The following TMEM135 variants were observed in gnomAD, a reference collection of about 807,000 sequenced individuals.
The protein encoded by TMEM135 is transmembrane protein 135, also known as peroxisomal membrane protein 52.
TMEM135 carries 30 observed loss-of-function variants against 60.3 expected under a neutral mutation model. The ratio of observed to expected loss-of-function variants is 0.50; its 90% confidence interval spans 0.37 to 0.68. TMEM135 has a LOEUF of 0.68. TMEM135 is among the 30% of genes least tolerant of loss of function. The pLI, the probability that TMEM135 is intolerant of heterozygous loss-of-function variation, is 0.00. For missense variants in TMEM135, 468 were observed against 548.8 expected (o/e 0.85, Z 1.47); for synonymous variants, 190 against 186.7 (o/e 1.02, Z -0.14).
chr11:87,288,742 A>G (rs558703543), intron 6 of TMEM135, among the ~76,000 whole-genome samples: 2 of 152,194 alleles, frequency 1.3e-5, no homozygotes, highest in South Asian at 2.1e-4. Flanking sequence ...TATGAGTAGC[A>G]TCTGTATCCT....
intron 6 of TMEM135, among the ~76,000 whole-genome samples, chr11:87,246,088 T>C (rs1242321925): frequency 1.4e-5 from 2 of 139,390 alleles, no homozygotes; most frequent in African/African-American, 5.4e-5. Context: ...CTGTAAAGTA[T>C]TTTATTTCTC....
intron 5 of TMEM135, among the ~76,000 whole-genome samples, chr11:87,225,317 G>T (rs190269158): frequency 1.3e-5 from 2 of 151,944 alleles, no homozygotes; most frequent in Middle Eastern, 3.2e-3. Flanking sequence ...TCCCTACATC[G>T]CAGGGGTGTT....
intron 1 of TMEM135, among the ~76,000 whole-genome samples, chr11:87,060,867 C>G (rs955131729): frequency 1.3e-5 from 2 of 152,156 alleles, no homozygotes; most frequent in African/African-American, 2.4e-5. Context: ...TGGTCTCAAT[C>G]TCCTGACCTC....
intron 6 of TMEM135, among the ~76,000 whole-genome samples, chr11:87,258,266 AAC>A (rs1941571066): frequency 6.6e-6 from 1 of 151,930 alleles, no homozygotes; most frequent in African/African-American, 2.4e-5. Context: ...TCTTTTTTTA[AAC>A]ACACACACAA....
chr11:87,323,537 T>C lies in TMEM135; in HGVS notation c.*2204T>C. ...AGATCTCTGCATTCCAAAATATGTT[T>C]TTTAGTTTATTTATATCCTGAAGAA... is the stretch of plus-strand genomic sequence containing the variant. On this transcript the variant is annotated 3_prime_UTR_variant, in exon 15 of 15. Transcript: ENST00000305494. The C allele has an allele frequency of 2.2e-6, 1 of 453,134 alleles. No individual in the cohort carries two copies. The highest frequency in any genetic ancestry group is 4.4e-6 in the Non-Finnish European group (1 of 226,550). The allele number at this position is 453,134 out of a possible 1,614,324, so 28.1% of individuals were successfully genotyped here.
intron 6 of TMEM135, among the ~76,000 whole-genome samples, chr11:87,284,791 G>C (rs1942133168): frequency 2.0e-5 from 3 of 152,124 alleles, no homozygotes; most frequent in Admixed American, 2.0e-4. Flanking sequence ...TTAATTTCTT[G>C]CTATTTCAAG....
chr11:87,184,549 G>A, intron 5 of TMEM135, among the ~76,000 whole-genome samples: 1 of 152,154 alleles, frequency 6.6e-6, no homozygotes, highest in African/African-American at 2.4e-5. Flanking sequence ...GGAGTTTCTA[G>A]TGGCAAATAT....
intron 5 of TMEM135, among the ~76,000 whole-genome samples, chr11:87,162,732 G>A (rs961569492): frequency 3.3e-5 from 5 of 152,104 alleles, no homozygotes; most frequent in Admixed American, 6.6e-5. Context: ...TCATGTATAT[G>A]CCCATTAATG....
At chr11:87,235,476 A>T (rs1360748963) in intron 5 of TMEM135, among the ~76,000 whole-genome samples, 2 of 152,018 alleles carry the variant, frequency 1.3e-5, no homozygotes, top group African/African-American at 4.8e-5. Flanking sequence ...TTAGGCTAAG[A>T]CAGCAAACTT....
At chr11:87,239,154 T>C (rs752724823) in intron 6 of TMEM135, among the ~76,000 whole-genome samples, 2 of 152,002 alleles carry the variant, frequency 1.3e-5, no homozygotes, top group East Asian at 1.9e-4. Context: ...CCTGTTTCAG[T>C]CACAAGTCTA....
chr11:87,069,798 T>A (rs1402645596), intron 2 of TMEM135, among the ~76,000 whole-genome samples: 1 of 152,226 alleles, frequency 6.6e-6, no homozygotes, highest in Non-Finnish European at 1.5e-5. Context: ...GGAAGGTTTC[T>A]GATGTCCATG....
At chr11:87,304,890 T>G (rs930082981) in intron 8 of TMEM135, among the ~76,000 whole-genome samples, 3 of 152,228 alleles carry the variant, frequency 2.0e-5, no homozygotes, top group Non-Finnish European at 4.4e-5. Context: ...TTAGATATTC[T>G]GCTTACTTTT....
chr11:87,064,951 CT>C (rs112869970), intron 1 of TMEM135, among the ~76,000 whole-genome samples: 4,901 of 149,542 alleles, frequency 0.033, 84 homozygotes, highest in African/African-American at 0.046. Context: ...TTAGGATTAG[CT>C]TTTTTTTTTT....
chr11:87,169,631 C>T (rs1181673166), intron 5 of TMEM135, among the ~76,000 whole-genome samples: 1 of 152,092 alleles, frequency 6.6e-6, no homozygotes, highest in Non-Finnish European at 1.5e-5. Flanking sequence ...TATTGGCCCT[C>T]ACTCTCTTCT....
At chr11:87,058,332 A>G (rs935429840) in intron 1 of TMEM135, among the ~76,000 whole-genome samples, 1 of 151,642 alleles carries the variant, frequency 6.6e-6, no homozygotes, top group South Asian at 2.1e-4. Flanking sequence ...CTCCTTTATT[A>G]TTATTATTAT....
intron 4 of TMEM135, among the ~76,000 whole-genome samples, chr11:87,120,433 T>C (rs1236098459): frequency 6.6e-6 from 1 of 151,432 alleles, no homozygotes; most frequent in East Asian, 1.9e-4. Context: ...CATGGGGATA[T>C]ATTACTTGTA....
At chr11:87,265,226 C>T (rs971538574) in intron 6 of TMEM135, among the ~76,000 whole-genome samples, 12 of 151,842 alleles carry the variant, frequency 7.9e-5, no homozygotes, top group African/African-American at 2.9e-4. Context: ...ATTTTTAGTC[C>T]TACACATCTG....
intron 7 of TMEM135, among the ~76,000 whole-genome samples, chr11:87,298,559 C>T (rs191101443): frequency 0.016 from 2,504 of 151,976 alleles, 42 homozygotes; most frequent in African/African-American, 0.046. Context: ...GAGGCCAAGG[C>T]GGGCAATCAC....
intron 12 of TMEM135, among the ~76,000 whole-genome samples, chr11:87,316,093 A>G (rs1942723624): frequency 6.6e-6 from 1 of 151,988 alleles, no homozygotes; most frequent in Non-Finnish European, 1.5e-5. Flanking sequence ...GCTAGAGGTT[A>G]TTTGCTCCCA....
Sources: allele counts gnomAD v4.1 joint callset (sites outside exome capture counted in the v4.1 genomes callset), GRCh38; gene constraint gnomAD v4.1.1; transcripts MANE v1.5; gene names NCBI Gene and HGNC (gene_info 2026-07-23, HGNC 2026-07-21).